NID1: variants seen among roughly 807,000 people sequenced by gnomAD.
NID1 encodes nidogen 1.
Under a neutral mutation model 130.6 loss-of-function variants are expected in NID1, and 76 were observed. The ratio of observed to expected loss-of-function variants is 0.58; its 90% CI spans 0.48 to 0.70. NID1 has a LOEUF of 0.70. NID1 is among the 30% of genes least tolerant of loss of function. NID1 has a pLI of 0.00. For synonymous variants in NID1, 665 were observed against 675.1 expected (o/e 0.98, Z 0.23); for missense variants, 1,517 against 1,664.8 (o/e 0.91, Z 1.54).
rs1253594707 is a variant in NID1, at chr1:235,981,747, G to A, written c.3091C>T (p.Leu1031Phe). 6.2e-7 allele frequency: 1 copy of A among 1,613,726 alleles called. No homozygotes were observed. The highest frequency in any genetic ancestry group is 1.3e-5 in the African/African-American group (1 of 74,916). The change falls in exon 16 of 20, where the codon CTT becomes TTT. Residue 1031 changes from leucine (L) to phenylalanine (F), a missense_variant. This residue lies in a region of NID1 where 1,329 missense variants were observed against 1,429.2 expected (regional missense o/e 0.93). Coordinates refer to ENST00000264187, the MANE Select transcript of NID1 (RefSeq NM_002508.3). ...GSPEGIAVDH[L>F]GRNIFWTDSN... Reference sequence around the variant, plus strand: ...TCTGTCCAGAAGATGTTGCGGCCAAGGTGATCAACAGCGATACCTTCTGGA... The same window carrying A: ...TCTGTCCAGAAGATGTTGCGGCCAAAGTGATCAACAGCGATACCTTCTGGA...
At chr1:236,007,234 A>G (rs1188528283) in intron 12 of NID1, among the ~76,000 whole-genome samples, 1 of 152,132 alleles carries the variant, frequency 6.6e-6, no homozygotes, top group Admixed American at 6.5e-5. Context: ...GGGTCTTGCT[A>G]TGTTGTCCAG....
intron 2 of NID1, among the ~76,000 whole-genome samples, chr1:236,047,501 A>G (rs1398730277): frequency 6.6e-6 from 1 of 152,102 alleles, no homozygotes; most frequent in Non-Finnish European, 1.5e-5. Flanking sequence ...GCTTCCTTCA[A>G]GGGCAAGTCC....
Position 235,987,536 on chromosome 1 carries a change from A to G in NID1, c.2929-2031T>C, listed in dbSNP as rs181774666. Among the ~76,000 whole-genome samples, 13 of 152,322 alleles carry G rather than the reference A, an allele frequency of 8.5e-5. No individual in the cohort carries two copies. In the East Asian group the frequency reaches 2.5e-3, roughly 29 times the overall value. ...AGAAGCACAAACTTTTCCCTTGATC[A>G]GACAGTGAGGAGTTCCTTTCTTTAG... On this transcript the variant is annotated intron_variant, in intron 14 of 19. Transcript: ENST00000264187.
Position 236,013,448 on chromosome 1 carries a change from G to A in NID1, c.2367C>T (p.Cys789=), listed in dbSNP as rs1045300524. 23 of 1,614,118 alleles carry A rather than the reference G, an allele frequency of 1.4e-5. No homozygotes were observed. Among genetic ancestry groups the A allele is most frequent in the Non-Finnish European group, 1.8e-5 (21 of 1,180,020 alleles). Residue 789 remains cysteine (C), a synonymous_variant, in exon 11 of 20, where the codon TGC becomes TGT. Transcript: ENST00000264187. ...YTGGSSYTCS[C]LPGFSGDGQA... The stretch of plus-strand genomic sequence containing the variant: ...GGCCATCCCCAGAAAAGCCTGGCAA[G>A]CAGGAACAGGTGTAGGAGGAGCCTC...
intron 1 of NID1, among the ~76,000 whole-genome samples, chr1:236,056,735 C>A (rs1659909140): frequency 6.6e-6 from 1 of 152,130 alleles, no homozygotes; most frequent in South Asian, 2.1e-4. Flanking sequence ...CCTACCACTG[C>A]CACTCCCCTC....
intron 8 of NID1, among the ~76,000 whole-genome samples, chr1:236,024,698 A>G (rs929781821): frequency 6.6e-6 from 1 of 152,220 alleles, no homozygotes; most frequent in African/African-American, 2.4e-5. Context: ...AGACAACCGA[A>G]AAAAGGGAAA....
At chr1:236,014,220 A>G (rs1235925575) in intron 10 of NID1, among the ~76,000 whole-genome samples, 3 of 123,012 alleles carry the variant, frequency 2.4e-5, no homozygotes, top group East Asian at 2.5e-4. Flanking sequence ...CACCCCCTCA[A>G]CTCTCTCTCT....
rs762044163 is a variant in NID1, at chr1:235,991,034, A to C, written c.2780T>G (p.Ile927Ser). Residue 927 changes from isoleucine (I) to serine (S), a missense_variant, in exon 14 of 20, where the codon ATT becomes AGT. Ile to Ser is a moderately radical substitution (Grantham distance 142). Coordinates refer to ENST00000264187, the MANE Select transcript of NID1 (RefSeq NM_002508.3). ...PPCLSTVAPP[I>S]HQGPAVPTAV... is the part of the protein sequence containing the mutation. ...GGTAGGCACCGCAGGTCCTTGGTGA[A>C]TCGGGGGAGCCACTGTACTCAGACC... The C allele has an allele frequency of 6.2e-7, 1 of 1,604,566 alleles. No individual in the cohort carries two copies. Among genetic ancestry groups the C allele is most frequent in the East Asian group, 2.2e-5 (1 of 44,862 alleles).
chr1:236,057,504 C>T (rs61010605), intron 1 of NID1, among the ~76,000 whole-genome samples: 6,064 of 151,230 alleles, frequency 0.04, 378 homozygotes, highest in African/African-American at 0.14. Flanking sequence ...CTGAGGCGGG[C>T]GGATCACCTG....
At chr1:236,034,790 A>G (rs1056886604) in intron 5 of NID1, among the ~76,000 whole-genome samples, 5 of 152,182 alleles carry the variant, frequency 3.3e-5, no homozygotes, top group African/African-American at 4.8e-5. Context: ...TATGTGAATT[A>G]TATCTCAGGA....
chr1:236,040,847 T>C (rs1344075445), intron 4 of NID1, among the ~76,000 whole-genome samples: 3 of 152,108 alleles, frequency 2.0e-5, no homozygotes, highest in Non-Finnish European at 4.4e-5. Context: ...GCATTTTTAG[T>C]AGAGGCAGGA....
Position 235,980,635 on chromosome 1 carries a change from G to A in NID1, c.3246C>T (p.Asp1082=), listed in dbSNP as rs1264927313. The A allele has an allele frequency of 6.2e-7, 1 of 1,614,132 alleles. No homozygotes were observed. The change falls in exon 17 of 20, where the codon GAC becomes GAT. Residue 1082 remains aspartate, a synonymous_variant. Transcript: ENST00000264187. ...DSVRGNLYWT[D]WNRDNPKIET... is the part of the protein sequence containing the mutation. ...CAATCTTGGGGTTATCTCTGTTCCA[G>A]TCTGTCCAGTAAAGGTTCCTGGAGG...
intron 3 of NID1, among the ~76,000 whole-genome samples, chr1:236,042,604 A>G (rs907878421): frequency 6.6e-6 from 1 of 152,222 alleles, no homozygotes; most frequent in Non-Finnish European, 1.5e-5. Context: ...TGCTGGTTAC[A>G]TGCTCTACCT....
At chr1:235,982,873 T>TTTTTG (rs1217249773) in intron 15 of NID1, among the ~76,000 whole-genome samples, 33 of 151,964 alleles carry the variant, frequency 2.2e-4, no homozygotes, top group Non-Finnish European at 7.4e-5. Flanking sequence ...ACTGTGGGTT[T>TTTTTG]TTTTGTTTTG....
chr1:235,988,575 A>G (rs1035820443), intron 14 of NID1, among the ~76,000 whole-genome samples: 1 of 152,236 alleles, frequency 6.6e-6, no homozygotes, highest in South Asian at 2.1e-4. Context: ...AGATATTTGT[A>G]TACCCATGTT....
chr1:236,064,624 G>A, intron 1 of NID1: 1 of 546,854 alleles, frequency 1.8e-6, no homozygotes, highest in South Asian at 1.9e-5. Flanking sequence ...TCACGGCCCG[G>A]GGCGCGCGGA....
At chr1:236,011,427 G>A (rs571644600) in intron 12 of NID1, among the ~76,000 whole-genome samples, 8 of 150,396 alleles carry the variant, frequency 5.3e-5, no homozygotes, top group African/African-American at 1.7e-4. Context: ...CTCAGCCTCC[G>A]TAGTAGCTGG....
chr1:236,058,831 CAG>C (rs1417019371), intron 1 of NID1, among the ~76,000 whole-genome samples: 1 of 152,160 alleles, frequency 6.6e-6, no homozygotes, highest in Admixed American at 6.5e-5. Flanking sequence ...AAGAAACAAA[CAG>C]GGTCCTTTTA....
chr1:236,060,240 A>G (rs1660003747), intron 1 of NID1, among the ~76,000 whole-genome samples: 1 of 152,094 alleles, frequency 6.6e-6, no homozygotes, highest in South Asian at 2.1e-4. Flanking sequence ...TTTAGACCAT[A>G]TAGGGTAACT....
Sources: allele counts gnomAD v4.1 joint callset (sites outside exome capture counted in the v4.1 genomes callset), GRCh38; gene constraint gnomAD v4.1.1; regional missense constraint gnomAD v4.1.1; transcripts MANE v1.5; gene names NCBI Gene and HGNC (gene_info 2026-07-23, HGNC 2026-07-21).